DOCK5: variants seen among roughly 807,000 people sequenced by gnomAD.
DOCK5 encodes dedicator of cytokinesis 5.
DOCK5 carries 142 observed loss-of-function variants against 251.8 expected under a neutral mutation model. The ratio of observed to expected loss-of-function variants is 0.56; its 90% CI spans 0.49 to 0.65. The LOEUF is 0.65. DOCK5 is among the 30% of genes least tolerant of loss of function. The pLI is 0.00. For synonymous variants in DOCK5, 842 were observed against 835.5 expected, an observed-to-expected ratio of 1.01 and a Z score of -0.13; for missense variants, 2,111 against 2,312.3, an observed-to-expected ratio of 0.91 and a Z score of 1.79.
chr8:25,364,790 T>C (rs1407690984), intron 30 of DOCK5, 86 bp downstream of exon 30: 1 of 947,042 alleles, frequency 1.1e-6, no homozygotes, highest in Non-Finnish European at 1.6e-6. Flanking sequence ...CTCCTCAGAT[T>C]TCACTGTTTT....
intron 14 of DOCK5, among the ~76,000 whole-genome samples, chr8:25,318,166 G>A (rs1240657001): frequency 6.6e-6 from 1 of 152,072 alleles, no homozygotes; most frequent in Non-Finnish European, 1.5e-5. Flanking sequence ...TCTGCCTGCT[G>A]CAACCTCTGC....
At chr8:25,313,987 A>G (rs554929407) in intron 13 of DOCK5, among the ~76,000 whole-genome samples, 2 of 152,000 alleles carry the variant, frequency 1.3e-5, no homozygotes, top group Non-Finnish European at 2.9e-5. Flanking sequence ...CCCTAGGGGT[A>G]TCATCCACTC....
chr8:25,377,479 G>A (rs566647607), intron 38 of DOCK5, 55 bp downstream of exon 38: 120 of 1,567,564 alleles, frequency 7.7e-5, no homozygotes, highest in African/African-American at 1.2e-4. Context: ...CCGCAGTATC[G>A]CAATACAATT....
Position 25,408,907 on chromosome 8 carries a change from C to T in DOCK5, c.5371C>T (p.Pro1791Ser), listed in dbSNP as rs776880474. The T allele has an allele frequency of 6.2e-7, 1 of 1,613,996 alleles. No individual in the cohort carries two copies. The highest frequency in any genetic ancestry group is 1.7e-5 in the Admixed American group (1 of 60,024). ...TCCTCAGTCAACACCCTTGAGCCCA[C>T]CTCCACTCACTCCCAAAGCCACCAG... is the stretch of plus-strand genomic sequence containing the variant. The part of the protein sequence containing the change: ...SPPQSTPLSP[P>S]PLTPKATRTL... The change falls in exon 50 of 52, where the codon CCT becomes TCT. Residue 1791 changes from proline (P) to serine (S), a missense_variant. By Grantham distance (74) the Pro-to-Ser change is moderately conservative (BLOSUM62 -1). Coordinates refer to ENST00000276440, the MANE Select transcript of DOCK5 (RefSeq NM_024940.8).
At position 25,412,087 on chromosome 8, in the gene DOCK5, T is replaced by TC. The variant is rs931148226; in HGVS notation, c.*789_*790insC. 6.9e-6 allele frequency: 1 copy of TC among 145,602 alleles called. No homozygotes were observed. The highest frequency in any genetic ancestry group is 1.5e-5 in the Non-Finnish European group (1 of 66,314). 9.0% of individuals were successfully genotyped at this position (145,602 alleles called of 1,614,324 possible). On this transcript the variant is annotated 3_prime_UTR_variant, in exon 52 of 52. Transcript: ENST00000276440. ...CCTTTTGCACATACGGCTTTTTTTT[T>TC]TTTTTTTTTTTTTTGTCCTATTACC...
At position 25,389,713 on chromosome 8, in the gene DOCK5, A is replaced by G. The variant is rs560322275; in HGVS notation, c.4273+481A>G. On this transcript the variant is annotated intron_variant, in intron 41 of 51. Transcript: ENST00000276440. ...TTATCCTCAGATTCTCCATCTGTGA[A>G]AAGAGAATAAGAATATCCCTCATGT... is the stretch of plus-strand genomic sequence containing the variant. 3.9e-5 allele frequency among the ~76,000 whole-genome samples: 6 copies of G among 152,304 alleles called. No individual in the cohort carries two copies. In the South Asian group the frequency reaches 1.2e-3, roughly 32 times the overall value.
rs189366176 is a variant in DOCK5 at position 25,332,395 on chromosome 8, A to G, written c.2001+47A>G. The G allele has an allele frequency of 4.0e-4, 572 of 1,441,420 alleles. 3 individuals are homozygous for G. The African/African-American group carries it at 7.1e-3, about 18-fold the overall frequency. The allele number at this position is 1,441,420 out of a possible 1,614,324, so 89.3% of individuals were successfully genotyped here. A position where few individuals can be genotyped will look rare whatever the true frequency, so the allele number is the denominator to read the frequency against. ...TAGAAATACACATACCTACATATAT[A>G]TACCTATCTAATTATACCTAATTGG... On this transcript the variant is annotated intron_variant, in intron 19 of 51. Coordinates refer to ENST00000276440, the MANE Select transcript of DOCK5 (RefSeq NM_024940.8).
At chr8:25,328,207 T>TA (rs1021262791) in intron 18 of DOCK5, among the ~76,000 whole-genome samples, 8 of 150,326 alleles carry the variant, frequency 5.3e-5, no homozygotes, top group South Asian at 4.2e-4. Flanking sequence ...ATGTTTTGAT[T>TA]AAAAAAAAAG....
chr8:25,326,524 C>G (rs1038087603), intron 18 of DOCK5, among the ~76,000 whole-genome samples: 3 of 152,136 alleles, frequency 2.0e-5, no homozygotes, highest in Non-Finnish European at 2.9e-5. Context: ...GTAAAAGCAT[C>G]CTCACCAAAA....
In DOCK5 at chr8:25,412,748, G is replaced by C. The variant is rs1801653233; in HGVS notation, c.*1450G>C. 2 of 152,280 alleles carry C rather than the reference G, an allele frequency of 1.3e-5. No individual in the cohort carries two copies. The highest frequency in any genetic ancestry group is 6.5e-5 in the Admixed American group (1 of 15,290). 9.4% of individuals were successfully genotyped at this position (152,280 alleles called of 1,614,324 possible). A position where few individuals can be genotyped will look rare whatever the true frequency, so the allele number is the denominator to read the frequency against. ...CCACTAAGGAGGTGAAGAGAACAGA[G>C]AAAGAGATTTCCATTTCTGCTGCCA... On this transcript the variant is annotated 3_prime_UTR_variant, in exon 52 of 52. Transcript: ENST00000276440.
At chr8:25,310,629 A>G (rs1176602278) in intron 13 of DOCK5, 97 bp downstream of exon 13, 2 of 1,392,384 alleles carry the variant, frequency 1.4e-6, no homozygotes, top group East Asian at 4.9e-5. Context: ...AGACTTGGTT[A>G]TTTACATTCA....
In DOCK5 at chr8:25,308,764, C is replaced by G; in HGVS notation, c.1050-19C>G. 1 of 1,613,104 alleles carries G rather than the reference C, an allele frequency of 6.2e-7. No individual in the cohort carries two copies. Among genetic ancestry groups the G allele is most frequent in the Non-Finnish European group, 8.5e-7 (1 of 1,179,178 alleles). Reference sequence around the variant, plus strand: ...CCTTTCTCCCCCTCCCACCTTACCTCTTATTTCTCTTTCCCAAGAATTGCG... The same window carrying G: ...CCTTTCTCCCCCTCCCACCTTACCTGTTATTTCTCTTTCCCAAGAATTGCG... On this transcript the variant is annotated intron_variant, in intron 11 of 51. Transcript: ENST00000276440.
chr8:25,348,803 A>G (rs939751638), intron 26 of DOCK5, among the ~76,000 whole-genome samples: 1 of 150,788 alleles, frequency 6.6e-6, no homozygotes, highest in African/African-American at 2.4e-5. Context: ...ACACCACTGC[A>G]CTCCAGCTTG....
intron 39 of DOCK5, among the ~76,000 whole-genome samples, chr8:25,381,627 C>CAAA: frequency 8.6e-6 from 1 of 115,826 alleles, no homozygotes; most frequent in African/African-American, 3.2e-5. Flanking sequence ...GACCCTGTCT[C>CAAA]AAAAAAAAAA....
chr8:25,226,575 T>A (rs1047889017), intron 1 of DOCK5, among the ~76,000 whole-genome samples: 1 of 151,172 alleles, frequency 6.6e-6, no homozygotes, highest in East Asian at 1.9e-4. Context: ...TATTTTTTTA[T>A]TTTTTTAATT....
chr8:25,315,712 T>C (rs184260532), intron 13 of DOCK5, among the ~76,000 whole-genome samples: 1 of 152,376 alleles, frequency 6.6e-6, no homozygotes, highest in East Asian at 1.9e-4. Flanking sequence ...CCAGTGGGAT[T>C]GCTGTATTAA....
At chr8:25,202,693 T>C (rs1048842208) in intron 1 of DOCK5, among the ~76,000 whole-genome samples, 29 of 152,326 alleles carry the variant, frequency 1.9e-4, no homozygotes, top group African/African-American at 7.0e-4. Flanking sequence ...ATGCTGCTTC[T>C]ATACAAATAT....
rs549307669 is a variant in DOCK5 at position 25,401,734 on chromosome 8, AAAAC to A, written c.4926+685_4926+688del. On this transcript the variant is annotated intron_variant, in intron 47 of 51. Coordinates refer to ENST00000276440, the MANE Select transcript of DOCK5 (RefSeq NM_024940.8). Reference sequence around the variant, plus strand: ...GGGCGACAGAGCGAGACTCTATCTCAAAACAAACAAACAAACAAACCAAAATAAC... The same window carrying A: ...GGGCGACAGAGCGAGACTCTATCTCAAAACAAACAAACAAACCAAAATAAC... 2.3e-4 allele frequency among the ~76,000 whole-genome samples: 35 copies of A among 152,252 alleles called. 1 individual carries two copies. Among genetic ancestry groups the A allele is most frequent in the South Asian group, 8.3e-4 (4 of 4,824 alleles).
chr8:25,379,392 C>T (rs922111401), intron 38 of DOCK5, among the ~76,000 whole-genome samples: 4 of 152,090 alleles, frequency 2.6e-5, no homozygotes, highest in African/African-American at 9.7e-5. Flanking sequence ...AGTGATATCT[C>T]TCCTACTTGT....
Sources: allele counts gnomAD v4.1 joint callset (sites outside exome capture counted in the v4.1 genomes callset), GRCh38; gene constraint gnomAD v4.1.1; transcripts MANE v1.5; gene names NCBI Gene and HGNC (gene_info 2026-07-23, HGNC 2026-07-21).